ARHGAP44: variants seen among roughly 807,000 people sequenced by gnomAD.
The protein encoded by ARHGAP44 is Rho GTPase activating protein 44.
A neutral mutation model predicts 106.8 loss-of-function variants in ARHGAP44; 43 were observed. That is an observed-to-expected ratio of 0.40 (90% CI 0.32 to 0.52). The LOEUF is 0.52. Among genes scored for constraint, ARHGAP44 ranks in the 20% least tolerant of loss-of-function variants. ARHGAP44 has a pLI of 0.48. For synonymous variants in ARHGAP44, 439 were observed against 410.3 expected, an observed-to-expected ratio of 1.07 and a Z score of -0.85; for missense variants, 866 against 1,050.5, an observed-to-expected ratio of 0.82 and a Z score of 2.43.
intron 18 of ARHGAP44, among the ~76,000 whole-genome samples, chr17:12,979,515 A>G (rs2039778361): frequency 1.3e-5 from 2 of 152,094 alleles, no homozygotes; most frequent in Middle Eastern, 3.4e-3. Flanking sequence ...TGGAATGGGT[A>G]TTGAGTTTGA....
Position 12,927,932 on chromosome 17 carries a change from TA to T in ARHGAP44, c.465-996del, listed in dbSNP as rs1388156544. Among the ~76,000 whole-genome samples, 4 of 152,178 alleles carry T rather than the reference TA, an allele frequency of 2.6e-5. No individual in the cohort carries two copies. The East Asian group carries it at 5.8e-4, about 22-fold the overall frequency. The stretch of plus-strand genomic sequence containing the variant: ...AGATAATGGCCCATTTGATTTATTT[TA>T]TTTTTTTTTAACTTGCTGGCCTCTA... On this transcript the variant is annotated intron_variant, in intron 6 of 20. Transcript: ENST00000379672.
At chr17:12,830,072 A>C (rs1320741752) in intron 1 of ARHGAP44, among the ~76,000 whole-genome samples, 1 of 152,210 alleles carries the variant, frequency 6.6e-6, no homozygotes, top group Admixed American at 6.5e-5. Flanking sequence ...ACCACTAAGC[A>C]ACAGCAAAGG....
intron 1 of ARHGAP44, chr17:12,790,230 A>G (rs2033700240): frequency 3.2e-6 from 1 of 312,684 alleles, no homozygotes; most frequent in Non-Finnish European, 5.9e-6. Flanking sequence ...TCCTGGAAAC[A>G]GGTGTTTGCT....
intron 17 of ARHGAP44, 158 bp downstream of exon 17, chr17:12,973,477 C>G: frequency 1.4e-6 from 1 of 728,880 alleles, no homozygotes; most frequent in South Asian, 1.8e-5. Flanking sequence ...AGAATCAGAG[C>G]CCAGAGGGAC....
At chr17:12,919,387 C>CTTTT (rs375129968) in intron 5 of ARHGAP44, among the ~76,000 whole-genome samples, 50 of 136,088 alleles carry the variant, frequency 3.7e-4, no homozygotes, top group African/African-American at 8.8e-4. Flanking sequence ...AATAGTTCTT[C>CTTTT]TTTTTTTTTT....
At chr17:12,922,777 T>A (rs1410118165) in intron 6 of ARHGAP44, among the ~76,000 whole-genome samples, 1 of 152,136 alleles carries the variant, frequency 6.6e-6, no homozygotes, top group Non-Finnish European at 1.5e-5. Flanking sequence ...TTTTGTATTT[T>A]TAGTATAGAC....
At chr17:12,807,445 T>A (rs766530656) in intron 1 of ARHGAP44, among the ~76,000 whole-genome samples, 95 of 152,158 alleles carry the variant, frequency 6.2e-4, no homozygotes, top group Non-Finnish European at 1.2e-3. Context: ...GAGATTTAAT[T>A]GACTCACAGT....
intron 1 of ARHGAP44, among the ~76,000 whole-genome samples, chr17:12,884,315 A>AT (rs1278968727): frequency 6.6e-6 from 1 of 152,094 alleles, no homozygotes; most frequent in African/African-American, 2.4e-5. Context: ...ATGCAGCACC[A>AT]TTTTTTGTTT....
At position 12,944,207 on chromosome 17, in the gene ARHGAP44, G is replaced by C. The variant is rs200666797; in HGVS notation, c.861+11G>C. 15 of 1,596,296 alleles carry C rather than the reference G, an allele frequency of 9.4e-6. No individual in the cohort carries two copies. The highest frequency in any genetic ancestry group is 3.5e-4 in the Middle Eastern group (2 of 5,770). ...GGGATGCAGGAGGAGGTAGGTCTGA[G>C]CACAGCCACACGCCGCCCCGGGCAG... is the stretch of plus-strand genomic sequence containing the variant. On this transcript the variant is annotated intron_variant, in intron 10 of 20. Transcript: ENST00000379672.
At chr17:12,983,547 G>A (rs1035591792) in intron 19 of ARHGAP44, among the ~76,000 whole-genome samples, 2 of 152,226 alleles carry the variant, frequency 1.3e-5, no homozygotes, top group African/African-American at 4.8e-5. Flanking sequence ...GCTTACGCCT[G>A]TAATCCCAGC....
At chr17:12,797,725 T>C (rs942035998) in intron 1 of ARHGAP44, among the ~76,000 whole-genome samples, 7 of 152,224 alleles carry the variant, frequency 4.6e-5, no homozygotes, top group Admixed American at 3.9e-4. Context: ...TTTTCTTGAC[T>C]GTGCTCATTT....
At chr17:12,877,372 C>A (rs1323358252) in intron 1 of ARHGAP44, among the ~76,000 whole-genome samples, 1 of 152,060 alleles carries the variant, frequency 6.6e-6, no homozygotes, top group Admixed American at 6.6e-5. Flanking sequence ...CTACAAGAGA[C>A]CCACCCTGGC....
intron 6 of ARHGAP44, among the ~76,000 whole-genome samples, chr17:12,923,534 A>T (rs1044187710): frequency 6.6e-6 from 1 of 152,126 alleles, no homozygotes; most frequent in African/African-American, 2.4e-5. Flanking sequence ...GGGATTGTTG[A>T]CAGTACAGTC....
intron 1 of ARHGAP44, among the ~76,000 whole-genome samples, chr17:12,808,420 C>G (rs1196653869): frequency 6.6e-6 from 1 of 152,254 alleles, no homozygotes; most frequent in Non-Finnish European, 1.5e-5. Context: ...GCCTGGACAT[C>G]CAAGCATTTC....
At chr17:12,987,308 C>T in intron 20 of ARHGAP44, 7 of 608,218 alleles carry the variant, frequency 1.2e-5, no homozygotes, top group Non-Finnish European at 1.9e-5. Context: ...ATGAGTTGAT[C>T]CATGAGCTTA....
chr17:12,903,395 AG>A (rs2037453685), intron 3 of ARHGAP44, among the ~76,000 whole-genome samples: 1 of 152,048 alleles, frequency 6.6e-6, no homozygotes. Flanking sequence ...AAATTATTTC[AG>A]TAGCTCCTCT....
chr17:12,900,118 C>G (rs932610467), intron 3 of ARHGAP44, among the ~76,000 whole-genome samples: 1 of 152,002 alleles, frequency 6.6e-6, no homozygotes, highest in African/African-American at 2.4e-5. Context: ...ATGTTGCCAT[C>G]TTTTTTTATT....
intron 6 of ARHGAP44, among the ~76,000 whole-genome samples, chr17:12,923,909 T>C (rs1318278182): frequency 1.3e-5 from 2 of 152,188 alleles, no homozygotes; most frequent in East Asian, 3.9e-4. Flanking sequence ...CACCAGCTCC[T>C]CTTCTGGAAC....
intron 1 of ARHGAP44, 165 bp downstream of exon 1, chr17:12,790,056 A>C: frequency 1.7e-6 from 1 of 580,060 alleles, no homozygotes; most frequent in Non-Finnish European, 2.8e-6. Flanking sequence ...CCTCCTCCCT[A>C]ACTTCCCAGA....
Sources: gnomAD v4.1 joint callset for allele counts (sites outside exome capture counted in the v4.1 genomes callset) on GRCh38, gnomAD v4.1.1 for gene constraint, MANE v1.5 for transcripts, NCBI Gene and HGNC (gene_info 2026-07-23, HGNC 2026-07-21) for gene names.